DSC2: variants seen among roughly 807,000 people sequenced by gnomAD.
The protein encoded by DSC2 is desmocollin 2, also known as desmocollin-2.
A neutral mutation model predicts 87.6 loss-of-function variants in DSC2; 51 were observed. That is an observed-to-expected ratio of 0.58 (90% CI 0.46 to 0.74). The LOEUF is 0.74. Ranked by LOEUF, DSC2 falls within the 30% of genes least tolerant of loss-of-function variation. The probability of loss-of-function intolerance (pLI) is 0.00; values close to 1 mark genes in which losing one functional copy is unlikely to be tolerated. For synonymous variants in DSC2, 383 were observed against 393.2 expected, an observed-to-expected ratio of 0.97 and a Z score of 0.31; for missense variants, 1,066 against 1,089.5, an observed-to-expected ratio of 0.98 and a Z score of 0.30.
intron 12 of DSC2, 55 bp from the exon 13 acceptor site, chr18:31,071,896 G>C (rs1008404256): frequency 7.6e-6 from 11 of 1,446,038 alleles, no homozygotes; most frequent in Admixed American, 1.7e-5. Context: ...GATTTCTTCT[G>C]AACATAAATA....
At position 31,093,607 on chromosome 18, in the gene DSC2, T is replaced by G; in HGVS notation, c.106A>C (p.Thr36Pro). The G allele has an allele frequency of 6.2e-7, 1 of 1,602,040 alleles. No individual in the cohort carries two copies. The highest frequency in any genetic ancestry group is 1.1e-5 in the South Asian group (1 of 90,372). ...IFASDACKNVTLHVPSKLDAE... is the reference protein window; with the variant it reads ...IFASDACKNVPLHVPSKLDAE... ...TCTAGTTTGGAGGGAACATGTAATG[T>G]CACATTTTTGCAGGCATCACTGGCA... Residue 36 changes from threonine to proline, a missense_variant, in exon 2 of 16, where the codon ACA becomes CCA. Thr to Pro is a conservative substitution (Grantham distance 38, BLOSUM62 -1). Coordinates refer to ENST00000280904, the MANE Select transcript of DSC2 (RefSeq NM_024422.6).
At chr18:31,090,594 G>A (rs1024178047) in intron 4 of DSC2, among the ~76,000 whole-genome samples, 1 of 152,142 alleles carries the variant, frequency 6.6e-6, no homozygotes. Flanking sequence ...GAGACAGAGA[G>A]AGAGAGAAAG....
In DSC2 at chr18:31,061,582, T is replaced by C. The variant is rs1598565091; in HGVS notation, c.*6433A>G. 1 of 152,176 alleles carries C rather than the reference T, an allele frequency of 6.6e-6. No homozygotes were observed. The highest frequency in any genetic ancestry group is 2.1e-4 in the South Asian group (1 of 4,834). The allele number at this position is 152,176 out of a possible 1,614,324, so 9.4% of individuals were successfully genotyped here. The stretch of plus-strand genomic sequence containing the variant: ...AAACAAGATTTAGGGTGTGTTCTTT[T>C]AAATTAAAGTGCTCTGTTTACCTGA... On this transcript the variant is annotated 3_prime_UTR_variant, in exon 16 of 16. Coordinates refer to ENST00000280904, the MANE Select transcript of DSC2 (RefSeq NM_024422.6).
chr18:31,084,910 G>A (rs1217842767), intron 7 of DSC2, among the ~76,000 whole-genome samples: 3 of 152,026 alleles, frequency 2.0e-5, no homozygotes, highest in East Asian at 3.9e-4. Context: ...AATGCAATGT[G>A]TCAATATTTG....
At position 31,079,937 on chromosome 18, in the gene DSC2, C is replaced by T; in HGVS notation, c.1573G>A (p.Gly525Arg). ...AGGCTTCTGAAAACTTTGATTGATCCTGTATTTTCATCAATGGTGACCCAC... is the reference window on the plus strand; with the variant it reads ...AGGCTTCTGAAAACTTTGATTGATCTTGTATTTTCATCAATGGTGACCCAC... ...TGWVTIDENT[G>R]SIKVFRSLDR... is the part of the protein sequence containing the mutation. Residue 525 changes from glycine (G) to arginine (R), a missense_variant, in exon 11 of 16, where the codon GGA becomes AGA. Gly to Arg is a moderately radical substitution (Grantham distance 125, BLOSUM62 -2). Coordinates refer to ENST00000280904, the MANE Select transcript of DSC2 (RefSeq NM_024422.6). 1 of 1,613,922 alleles carries T rather than the reference C, an allele frequency of 6.2e-7. No homozygotes were observed. The highest frequency in any genetic ancestry group is 8.5e-7 in the Non-Finnish European group (1 of 1,179,926).
intron 3 of DSC2, 49 bp from the exon 4 acceptor site, chr18:31,091,196 T>C: frequency 6.2e-7 from 1 of 1,606,124 alleles, no homozygotes. Flanking sequence ...ACTACTTTAT[T>C]CTCAAACATT....
chr18:31,100,136 C>A (rs139270566), intron 1 of DSC2, among the ~76,000 whole-genome samples: 52 of 152,192 alleles, frequency 3.4e-4, no homozygotes, highest in African/African-American at 1.2e-3. Context: ...CAGGGCTTTG[C>A]ACAGATGTGC....
At chr18:31,086,383 C>G (rs1444761188) in intron 7 of DSC2, among the ~76,000 whole-genome samples, 193 bp downstream of exon 7, 1 of 152,076 alleles carries the variant, frequency 6.6e-6, no homozygotes, top group Non-Finnish European at 1.5e-5. Flanking sequence ...ACAAACAATT[C>G]AGAAAAGAAT....
At chr18:31,089,628 C>G (rs539813054) in intron 4 of DSC2, 34 bp from the exon 5 acceptor site, 16 of 1,596,762 alleles carry the variant, frequency 1.0e-5, no homozygotes, top group Non-Finnish European at 1.3e-5. Flanking sequence ...TGAGACAAAT[C>G]TTTATTTCAG....
Position 31,102,142 on chromosome 18 carries a change from G to A in DSC2, c.-171C>T. On this transcript the variant is annotated 5_prime_UTR_variant, in exon 1 of 16. Transcript: ENST00000280904. ...TTTTCTTAGCTTCTCTGAAGCGCCT[G>A]CCTCTCATCCAAGGGGCTTTTCCTT... is the stretch of plus-strand genomic sequence containing the variant. 1 of 530,196 alleles carries A rather than the reference G, an allele frequency of 1.9e-6. No individual in the cohort carries two copies. Among genetic ancestry groups the A allele is most frequent in the Non-Finnish European group, 3.2e-6 (1 of 317,386 alleles). The allele number at this position is 530,196 out of a possible 1,614,324, so 32.8% of individuals were successfully genotyped here. A position where few individuals can be genotyped will look rare whatever the true frequency, so the allele number is the denominator to read the frequency against.
Position 31,068,116 on chromosome 18 carries a change from C to G in DSC2, c.2605G>C (p.Val869Leu), listed in dbSNP as rs1986689461. The G allele has an allele frequency of 1.9e-6, 3 of 1,613,978 alleles. No individual in the cohort carries two copies. The highest frequency in any genetic ancestry group is 1.7e-5 in the Admixed American group (1 of 59,994). Residue 869 changes from valine to leucine, a missense_variant, in exon 16 of 16, where the codon GTA becomes CTA. Val to Leu is a conservative substitution (Grantham distance 32). Transcript: ENST00000280904. ...YEGRGSVAGSVGCCSERQEED... is the reference protein window; with the variant it reads ...YEGRGSVAGSLGCCSERQEED... ...TCTTGTCGTTCACTGCAACAACCTA[C>G]AGACCCAGCCACCGATCCTCTTCCT...
In DSC2 at chr18:31,093,547, G is replaced by T; in HGVS notation, c.154+12C>A. The T allele has an allele frequency of 6.3e-7, 1 of 1,593,616 alleles. No homozygotes were observed. The highest frequency in any genetic ancestry group is 8.6e-7 in the Non-Finnish European group (1 of 1,165,462). The stretch of plus-strand genomic sequence containing the variant: ...AAAACAGGATTTATTACAAATTTTA[G>T]GGCTTCCTTACCTCTACCAACAAGT... On this transcript the variant is annotated intron_variant, in intron 2 of 15. Transcript: ENST00000280904.
chr18:31,082,809 C>G, intron 8 of DSC2, 117 bp downstream of exon 8: 1 of 1,186,274 alleles, frequency 8.4e-7, no homozygotes, highest in Non-Finnish European at 1.2e-6. Context: ...CCGCCCGCCT[C>G]GGCCTCCCAA....
intron 1 of DSC2, chr18:31,101,199 C>T (rs1284059792): frequency 2.0e-6 from 2 of 985,220 alleles, no homozygotes; most frequent in Non-Finnish European, 2.4e-6. Flanking sequence ...TAAGAAACCA[C>T]TGAAACTGTA....
Position 31,089,509 on chromosome 18 carries a change from T to C in DSC2, c.560A>G (p.Tyr187Cys). The C allele has an allele frequency of 6.2e-7, 1 of 1,614,022 alleles. No individual in the cohort carries two copies. The highest frequency in any genetic ancestry group is 8.5e-7 in the Non-Finnish European group (1 of 1,179,972). Residue 187 changes from tyrosine (Y) to cysteine (C), a missense_variant, in exon 5 of 16, where the codon TAT (tyrosine) becomes TGT (cysteine). Transcript: ENST00000280904. The part of the protein sequence containing the change: ...GVDQEPRNLF[Y>C]VERDTGNLYC... ...CAAGTTTCCAGTGTCTCTCTCCACA[T>C]AAAATAAATTCCGAGGTTCTTGGTC...
At chr18:31,068,852 A>T (rs1490171586) in intron 15 of DSC2, 42 bp downstream of exon 15, 1 of 1,610,758 alleles carries the variant, frequency 6.2e-7, no homozygotes, top group African/African-American at 1.3e-5. Flanking sequence ...TAAAGTTTAA[A>T]GAAAATTAAA....
At position 31,059,439 on chromosome 18, in the gene DSC2, C is replaced by A. The variant is rs1986458903; in HGVS notation, c.*8576G>T. 1 of 152,116 alleles carries A rather than the reference C, an allele frequency of 6.6e-6. No homozygotes were observed. The highest frequency in any genetic ancestry group is 2.4e-5 in the African/African-American group (1 of 41,430). 9.4% of individuals were successfully genotyped at this position (152,116 alleles called of 1,614,324 possible). On this transcript the variant is annotated 3_prime_UTR_variant, in exon 16 of 16. Transcript: ENST00000280904. ...ATAATGTGAGATGATACAGTATTTTCTTTTTGCTTTCAATTTAATCATTTA... is the reference window on the plus strand; with the variant it reads ...ATAATGTGAGATGATACAGTATTTTATTTTTGCTTTCAATTTAATCATTTA...
At chr18:31,079,720 T>A in intron 11 of DSC2, 127 bp downstream of exon 11, 1 of 1,085,770 alleles carries the variant, frequency 9.2e-7, no homozygotes, top group South Asian at 1.4e-5. Flanking sequence ...AACCTCTTAC[T>A]TTATATTATC....
intron 1 of DSC2, among the ~76,000 whole-genome samples, 195 bp from the exon 2 acceptor site, chr18:31,093,838 T>G (rs1354628507): frequency 6.7e-6 from 1 of 149,506 alleles, no homozygotes; most frequent in Non-Finnish European, 1.5e-5. Flanking sequence ...TATAAATACA[T>G]GAATTTATAT....
Sources: gnomAD v4.1 joint callset for allele counts (sites outside exome capture counted in the v4.1 genomes callset) on GRCh38, gnomAD v4.1.1 for gene constraint, MANE v1.5 for transcripts, NCBI Gene and HGNC (gene_info 2026-07-23, HGNC 2026-07-21) for gene names.